Variants in WNT3A observed in about 807,000 individuals in gnomAD.
The protein encoded by WNT3A is Wnt family member 3A, also known as protein Wnt-3a.
A neutral mutation model predicts 37.0 loss-of-function variants in WNT3A; 17 were observed. That is an observed-to-expected ratio of 0.46 (90% CI 0.31 to 0.69). The LOEUF (loss-of-function observed/expected upper bound fraction) is 0.69, where lower values mean the gene tolerates loss of function less well. Among genes scored for constraint, WNT3A ranks in the 30% least tolerant of loss-of-function variants. The probability of loss-of-function intolerance (pLI) is 0.05; values close to 1 mark genes in which losing one functional copy is unlikely to be tolerated. For synonymous variants in WNT3A, 187 were observed against 211.0 expected (o/e 0.89, Z 0.99); for missense variants, 411 against 510.2 (o/e 0.81, Z 1.87).
chr1:228,007,241 G>T lies in WNT3A; in HGVS notation c.71+42G>T, dbSNP rs766884932. ...GCGTTCGCCCCTGCCCCTGTGCGCC[G>T]CGCCCGCAGCAGACGGTCCCCTCGG... On this transcript the variant is annotated intron_variant, in intron 1 of 3. Coordinates refer to ENST00000284523, the MANE Select transcript of WNT3A (RefSeq NM_033131.4). The surrounding 1 kb of genome is among the most constrained non-coding windows in gnomAD (Gnocchi z 6.0). 2 of 1,569,004 alleles carry T rather than the reference G, an allele frequency of 1.3e-6. No homozygotes were observed. Among genetic ancestry groups the T allele is most frequent in the South Asian group, 1.2e-5 (1 of 85,954 alleles).
chr1:228,009,795 G>A (rs708114), intron 1 of WNT3A, among the ~76,000 whole-genome samples: 73,924 of 152,118 alleles, frequency 0.49, 18,499 homozygotes, highest in Middle Eastern at 0.62. Context: ...CCTGTGGCCA[G>A]CAGCCCTGTG....
At chr1:228,055,801 C>A (rs1250902114) in intron 3 of WNT3A, among the ~76,000 whole-genome samples, 2 of 152,186 alleles carry the variant, frequency 1.3e-5, no homozygotes, top group Admixed American at 1.3e-4. Context: ...ATAGCCCACT[C>A]ACTCCACTAC....
chr1:228,030,419 A>G lies in WNT3A; in HGVS notation c.313+7511A>G, dbSNP rs537237771. The stretch of plus-strand genomic sequence containing the variant: ...TCAAAAAAAAAAAAAGGAAAAATAT[A>G]AATAAATAAACAAATAATAAATAAA... On this transcript the variant is annotated intron_variant, in intron 2 of 3. Coordinates refer to ENST00000284523, the MANE Select transcript of WNT3A (RefSeq NM_033131.4). Among the ~76,000 whole-genome samples, 6 of 151,614 alleles carry G rather than the reference A, an allele frequency of 4.0e-5. No homozygotes were observed. The South Asian group carries it at 6.2e-4, about 16-fold the overall frequency.
At chr1:228,043,230 G>A (rs1018529873) in intron 2 of WNT3A, among the ~76,000 whole-genome samples, 2 of 152,214 alleles carry the variant, frequency 1.3e-5, no homozygotes. Context: ...GAACAATTTT[G>A]TTATGCAGTT....
At chr1:228,046,954 G>A (rs753116759) in intron 2 of WNT3A, among the ~76,000 whole-genome samples, 46 of 152,288 alleles carry the variant, frequency 3.0e-4, no homozygotes, top group African/African-American at 1.0e-3. Flanking sequence ...GGAGGAAGCT[G>A]GAGGCTGGGG....
In WNT3A at chr1:228,039,631, G is replaced by A. The variant is rs1386281529; in HGVS notation, c.314-11025G>A. On this transcript the variant is annotated intron_variant, in intron 2 of 3. Transcript: ENST00000284523. This position sits in a 1 kb window ranked among gnomAD's most constrained non-coding sequence, Gnocchi z 4.1. ...TCTGAGCTTGGGAGATCTCATCTCA[G>A]TTGATGCATCAGAATCACTGGAGAC... Among the ~76,000 whole-genome samples the A allele has an allele frequency of 6.6e-6, 1 of 152,192 alleles. No individual in the cohort carries two copies. The highest frequency in any genetic ancestry group is 1.9e-4 in the East Asian group (1 of 5,198).
At position 228,059,323 on chromosome 1, in the gene WNT3A, G is replaced by T. The variant is rs1331586023; in HGVS notation, c.917G>T (p.Gly306Val). 1 of 1,572,508 alleles carries T rather than the reference G, an allele frequency of 6.4e-7. No individual in the cohort carries two copies. The change falls in exon 4 of 4, where the codon GGC (glycine) becomes GTC (valine). Residue 306 changes from glycine to valine, a missense_variant. Physicochemically the swap from Gly to Val is moderately radical, Grantham distance 109. Coordinates refer to ENST00000284523, the MANE Select transcript of WNT3A (RefSeq NM_033131.4). ...TCNVSSHGID[G>V]CDLLCCGRGH... ...AACGTCAGCTCGCACGGCATCGACG[G>T]CTGCGACCTGCTGTGCTGCGGCCGC...
chr1:228,010,190 G>GCTCC (rs1558282778), intron 1 of WNT3A, among the ~76,000 whole-genome samples: 1 of 152,214 alleles, frequency 6.6e-6, no homozygotes, highest in South Asian at 2.1e-4. Flanking sequence ...GGAGACCATG[G>GCTCC]CTCCATCTGA....
chr1:228,015,344 C>T (rs1371294350), intron 1 of WNT3A, among the ~76,000 whole-genome samples: 1 of 152,140 alleles, frequency 6.6e-6, no homozygotes, highest in Non-Finnish European at 1.5e-5. Context: ...CTTGGGACAC[C>T]AATTTTGCAC....
intron 2 of WNT3A, among the ~76,000 whole-genome samples, chr1:228,040,994 T>A (rs862000): frequency 0.076 from 10,615 of 140,372 alleles, 442 homozygotes; most frequent in South Asian, 0.12. Flanking sequence ...TATATATATA[T>A]AATATCTACT....
intron 2 of WNT3A, among the ~76,000 whole-genome samples, chr1:228,047,599 A>T (rs1358471522): frequency 6.6e-6 from 1 of 152,172 alleles, no homozygotes; most frequent in Non-Finnish European, 1.5e-5. Context: ...TCCCTGAGTT[A>T]GGCCATTCTT....
At chr1:228,021,462 GC>G (rs1026741716) in intron 1 of WNT3A, among the ~76,000 whole-genome samples, 1 of 152,074 alleles carries the variant, frequency 6.6e-6, no homozygotes, top group African/African-American at 2.4e-5. Flanking sequence ...GATGCGGAGG[GC>G]CCCAGGAGCA....
At chr1:228,034,627 T>C (rs574284120) in intron 2 of WNT3A, among the ~76,000 whole-genome samples, 1 of 152,318 alleles carries the variant, frequency 6.6e-6, no homozygotes, top group South Asian at 2.1e-4. Flanking sequence ...TTCACATAAA[T>C]AAATAGATAA....
chr1:228,055,485 A>G (rs980288508), intron 3 of WNT3A, among the ~76,000 whole-genome samples: 6 of 152,152 alleles, frequency 3.9e-5, no homozygotes, highest in African/African-American at 1.4e-4. Flanking sequence ...GAGATTATAC[A>G]TAGATATAGA....
At chr1:228,010,741 C>T (rs1223807270) in intron 1 of WNT3A, among the ~76,000 whole-genome samples, 6 of 152,252 alleles carry the variant, frequency 3.9e-5, no homozygotes, top group Non-Finnish European at 7.3e-5. Flanking sequence ...TTGCCTGCCC[C>T]TGGCCTGCTC....
At chr1:228,026,836 C>T (rs1425708897) in intron 2 of WNT3A, among the ~76,000 whole-genome samples, 1 of 151,950 alleles carries the variant, frequency 6.6e-6, no homozygotes, top group Non-Finnish European at 1.5e-5. Context: ...GTATATATAC[C>T]ACATTTTCTT....
chr1:228,028,670 T>C (rs890891075), intron 2 of WNT3A, among the ~76,000 whole-genome samples: 1 of 152,120 alleles, frequency 6.6e-6, no homozygotes, highest in African/African-American at 2.4e-5. Flanking sequence ...CTGTGAAAAA[T>C]GATGTTGGCA....
intron 1 of WNT3A, among the ~76,000 whole-genome samples, chr1:228,009,779 G>T (rs942975317): frequency 1.4e-4 from 22 of 152,198 alleles, no homozygotes; most frequent in Admixed American, 1.2e-3. Flanking sequence ...GAGAGGCAAA[G>T]GTGTCCCTGT....
At chr1:228,044,064 C>G (rs974953080) in intron 2 of WNT3A, among the ~76,000 whole-genome samples, 2 of 152,162 alleles carry the variant, frequency 1.3e-5, no homozygotes, top group African/African-American at 4.8e-5. Context: ...TCACTGCAGC[C>G]TTGAAGTCCT....
Sources: gnomAD v4.1 joint callset for allele counts (sites outside exome capture counted in the v4.1 genomes callset) on GRCh38, gnomAD v4.1.1 for gene constraint, Gnocchi (gnomAD v3.1) non-coding constraint, MANE v1.5 for transcripts, NCBI Gene and HGNC (gene_info 2026-07-23, HGNC 2026-07-21) for gene names.